CHRM2: variants seen among roughly 807,000 people sequenced by gnomAD.
CHRM2 encodes cholinergic receptor muscarinic 2, also known as muscarinic acetylcholine receptor M2.
Under a neutral mutation model 25.0 loss-of-function variants are expected in CHRM2, and 8 were observed. That is an observed-to-expected ratio of 0.32 (90% confidence interval 0.19 to 0.58). The LOEUF (loss-of-function observed/expected upper bound fraction) is 0.58. Among genes scored for constraint, CHRM2 ranks in the 20% least tolerant of loss-of-function variants. The pLI is 0.88. For synonymous variants in CHRM2, 202 were observed against 205.7 expected, an observed-to-expected ratio of 0.98 and a Z score of 0.15; for missense variants, 440 against 567.1, an observed-to-expected ratio of 0.78 and a Z score of 2.28.
chr7:136,969,649 C>A (rs1801636697), intron 2 of CHRM2, among the ~76,000 whole-genome samples: 1 of 152,160 alleles, frequency 6.6e-6, no homozygotes, highest in Non-Finnish European at 1.5e-5. Flanking sequence ...ATTCTAAGGG[C>A]CTTCTAACTG....
chr7:136,956,454 A>T (rs908847372), intron 2 of CHRM2, among the ~76,000 whole-genome samples: 1 of 152,158 alleles, frequency 6.6e-6, no homozygotes, highest in African/African-American at 2.4e-5. Flanking sequence ...ATTAGTGGGT[A>T]TAGATAGCAA....
intron 2 of CHRM2, among the ~76,000 whole-genome samples, chr7:136,972,084 T>A (rs180984274): frequency 1.3e-5 from 2 of 152,178 alleles, no homozygotes; most frequent in East Asian, 3.9e-4. Flanking sequence ...ATACTGAGCC[T>A]TGGAGGAATA....
intron 2 of CHRM2, among the ~76,000 whole-genome samples, chr7:136,961,418 A>G (rs1801075158): frequency 6.6e-6 from 1 of 152,214 alleles, no homozygotes; most frequent in African/African-American, 2.4e-5. Flanking sequence ...TCATAAGTTG[A>G]GGAGCCTCTG....
chr7:136,937,861 A>C (rs1046767281), intron 2 of CHRM2, among the ~76,000 whole-genome samples: 3 of 152,180 alleles, frequency 2.0e-5, no homozygotes, highest in African/African-American at 7.2e-5. Flanking sequence ...ATTTTCTTTC[A>C]CCACCAAACA....
At chr7:136,922,477 A>G (rs1389637604) in intron 2 of CHRM2, among the ~76,000 whole-genome samples, 6 of 152,236 alleles carry the variant, frequency 3.9e-5, no homozygotes, top group African/African-American at 1.4e-4. Flanking sequence ...GCTCCTTTAT[A>G]TAACATTCAA....
chr7:136,938,594 C>A, intron 2 of CHRM2: 1 of 882,406 alleles, frequency 1.1e-6, no homozygotes, highest in Non-Finnish European at 1.9e-6. Flanking sequence ...CAGGCCACCC[C>A]GAAAGCTGCT....
chr7:136,900,523 A>G (rs1280468516), intron 2 of CHRM2, among the ~76,000 whole-genome samples: 1 of 151,942 alleles, frequency 6.6e-6, no homozygotes, highest in African/African-American at 2.4e-5. Context: ...GCTCACTTCT[A>G]CTTGTGAAGT....
chr7:136,922,468 C>T (rs1458770755), intron 2 of CHRM2, among the ~76,000 whole-genome samples: 2 of 152,184 alleles, frequency 1.3e-5, no homozygotes, highest in East Asian at 3.8e-4. Context: ...AAAGCCAAAG[C>T]TCCTTTATAT....
intron 2 of CHRM2, among the ~76,000 whole-genome samples, chr7:136,924,240 T>G (rs533171647): frequency 2.0e-4 from 30 of 152,220 alleles, no homozygotes; most frequent in Admixed American, 2.0e-3. Flanking sequence ...ACTTTAAGTT[T>G]TAGGGTACAT....
intron 2 of CHRM2, among the ~76,000 whole-genome samples, chr7:136,886,680 A>C (rs1302309619): frequency 6.6e-6 from 1 of 152,070 alleles, no homozygotes; most frequent in East Asian, 1.9e-4. Flanking sequence ...CAGTCTGGGC[A>C]ACATAGGAAA....
At chr7:136,895,811 G>A (rs1430856023) in intron 2 of CHRM2, among the ~76,000 whole-genome samples, 2 of 151,998 alleles carry the variant, frequency 1.3e-5, no homozygotes, top group African/African-American at 2.4e-5. Flanking sequence ...TACAAAGCTC[G>A]GCTTCTAGGT....
At chr7:136,912,204 A>G (rs1436045316) in intron 2 of CHRM2, among the ~76,000 whole-genome samples, 4 of 151,944 alleles carry the variant, frequency 2.6e-5, no homozygotes, top group Non-Finnish European at 1.5e-5. Context: ...TGAGCAAGAT[A>G]TGCTTAAATA....
chr7:136,960,317 A>G (rs1800993740), intron 2 of CHRM2, among the ~76,000 whole-genome samples: 2 of 152,172 alleles, frequency 1.3e-5, no homozygotes. Context: ...ACCTAGTACT[A>G]CCTTCACATA....
At chr7:136,907,538 C>T (rs12707334) in intron 2 of CHRM2, among the ~76,000 whole-genome samples, 38,195 of 151,718 alleles carry the variant, frequency 0.25, 5,431 homozygotes, top group Non-Finnish European at 0.32. Context: ...TTTTTATTTC[C>T]AAATTTCTTC....
chr7:136,962,208 C>T (rs1801134464), intron 2 of CHRM2, among the ~76,000 whole-genome samples: 1 of 151,884 alleles, frequency 6.6e-6, no homozygotes, highest in African/African-American at 2.4e-5. Flanking sequence ...TCTTGGCTCA[C>T]TGCAACCTCT....
At position 137,016,769 on chromosome 7, in the gene CHRM2, T is replaced by C. The variant is rs1234358960; in HGVS notation, c.*503T>C. Reference sequence around the variant, plus strand: ...AAGGATGCAGAAATTGTCTCCGGAGTGTTAAGCATATTTTATTCTTTTGTT... The same window carrying C: ...AAGGATGCAGAAATTGTCTCCGGAGCGTTAAGCATATTTTATTCTTTTGTT... On this transcript the variant is annotated 3_prime_UTR_variant, in exon 4 of 4. Transcript: ENST00000680005. 1.2e-5 allele frequency: 2 copies of C among 169,764 alleles called. No individual in the cohort carries two copies. The highest frequency in any genetic ancestry group is 3.8e-4 in the East Asian group (2 of 5,270). 10.5% of individuals were successfully genotyped at this position (169,764 alleles called of 1,614,324 possible). A position where few individuals can be genotyped will look rare whatever the true frequency, so the allele number is the denominator to read the frequency against.
intron 2 of CHRM2, among the ~76,000 whole-genome samples, chr7:136,988,801 C>G (rs1424476226): frequency 6.6e-6 from 1 of 151,976 alleles, no homozygotes; most frequent in Admixed American, 6.6e-5. Flanking sequence ...AGGCTGTTGC[C>G]ATTTTTGTGA....
chr7:136,973,303 C>T (rs1262773898), intron 2 of CHRM2, among the ~76,000 whole-genome samples: 5 of 75,916 alleles, frequency 6.6e-5, no homozygotes, highest in African/African-American at 1.7e-4. Flanking sequence ...ATGATGGTGA[C>T]GGTGTTAGGG....
chr7:137,003,492 A>G (rs1328193790), intron 3 of CHRM2, among the ~76,000 whole-genome samples: 117 of 20,220 alleles, frequency 5.8e-3, no homozygotes, highest in African/African-American at 0.022. Context: ...ACACACACAC[A>G]CACACACACA....
Sources: gnomAD v4.1 joint callset for allele counts (sites outside exome capture counted in the v4.1 genomes callset) on GRCh38, gnomAD v4.1.1 for gene constraint, MANE v1.5 for transcripts, NCBI Gene and HGNC (gene_info 2026-07-23, HGNC 2026-07-21) for gene names.